CDH13: variants seen among roughly 807,000 people sequenced by gnomAD.
The protein encoded by CDH13 is cadherin 13, also known as cadherin-13.
In CDH13, 24 loss-of-function variants were observed where a neutral mutation model predicts 63.8. That is an observed-to-expected ratio of 0.38 (90% CI 0.27 to 0.53). The LOEUF is 0.53. Ranked by LOEUF, CDH13 falls within the 20% of genes least tolerant of loss-of-function variation. The pLI is 0.85. For synonymous variants in CDH13, 503 were observed against 355.3 expected, an observed-to-expected ratio of 1.42 and a Z score of -4.67; for missense variants, 1,049 against 903.1, an observed-to-expected ratio of 1.16 and a Z score of -2.07.
At chr16:82,934,700 T>C (rs2042610250) in intron 2 of CDH13, among the ~76,000 whole-genome samples, 1 of 152,126 alleles carries the variant, frequency 6.6e-6, no homozygotes, top group African/African-American at 2.4e-5. Flanking sequence ...ATCATCTCTC[T>C]CAGGTTTAAG....
At chr16:83,049,711 A>G (rs1317076221) in intron 3 of CDH13, among the ~76,000 whole-genome samples, 1 of 152,134 alleles carries the variant, frequency 6.6e-6, no homozygotes, top group Non-Finnish European at 1.5e-5. Flanking sequence ...GATAAGCAAT[A>G]TTCCTTTATG....
intron 6 of CDH13, among the ~76,000 whole-genome samples, chr16:83,458,756 A>G (rs1252669032): frequency 6.6e-6 from 1 of 152,170 alleles, no homozygotes; most frequent in South Asian, 2.1e-4. Flanking sequence ...ATGAATTCCC[A>G]ATGGTGCGAT....
At chr16:83,204,573 A>T (rs553092243) in intron 4 of CDH13, among the ~76,000 whole-genome samples, 1 of 152,306 alleles carries the variant, frequency 6.6e-6, no homozygotes, top group South Asian at 2.1e-4. Flanking sequence ...CAGAGAGGCC[A>T]CACAGCTTTC....
chr16:83,601,071 A>G (rs998863597), intron 7 of CDH13, among the ~76,000 whole-genome samples: 1 of 152,140 alleles, frequency 6.6e-6, no homozygotes, highest in Non-Finnish European at 1.5e-5. Context: ...TTAACATTAT[A>G]TCACTGGAAT....
chr16:83,771,070 A>G (rs910274945), intron 11 of CDH13, among the ~76,000 whole-genome samples: 1 of 152,218 alleles, frequency 6.6e-6, no homozygotes, highest in Non-Finnish European at 1.5e-5. Flanking sequence ...AAAAACTAGA[A>G]TGTAGACCCC....
At chr16:83,310,566 A>G (rs750445680) in intron 5 of CDH13, among the ~76,000 whole-genome samples, 3 of 152,168 alleles carry the variant, frequency 2.0e-5, no homozygotes, top group Non-Finnish European at 4.4e-5. Context: ...CACCAAGGCT[A>G]TTGCCTTTTA....
chr16:83,319,089 G>T (rs2090167083), intron 5 of CDH13, among the ~76,000 whole-genome samples: 1 of 151,764 alleles, frequency 6.6e-6, no homozygotes, highest in Non-Finnish European at 1.5e-5. Context: ...CTTAGGCATG[G>T]GTTGAAGGAT....
At chr16:82,940,134 C>T (rs529060873) in intron 2 of CDH13, among the ~76,000 whole-genome samples, 7 of 152,154 alleles carry the variant, frequency 4.6e-5, no homozygotes, top group Non-Finnish European at 8.8e-5. Flanking sequence ...CCTCCCACAA[C>T]GTGTGGGAAT....
intron 5 of CDH13, among the ~76,000 whole-genome samples, chr16:83,242,935 G>A (rs1215482463): frequency 1.3e-5 from 2 of 152,184 alleles, no homozygotes; most frequent in Non-Finnish European, 2.9e-5. Context: ...TATACCATGT[G>A]TCAAAAACTA....
At chr16:83,504,257 G>T (rs2074347977) in intron 7 of CDH13, among the ~76,000 whole-genome samples, 1 of 152,176 alleles carries the variant, frequency 6.6e-6, no homozygotes, top group South Asian at 2.1e-4. Context: ...GGGCACTAGA[G>T]AAGAGTGTTC....
intron 5 of CDH13, among the ~76,000 whole-genome samples, chr16:83,314,778 T>C (rs971122335): frequency 2.6e-5 from 4 of 152,230 alleles, no homozygotes; most frequent in Non-Finnish European, 5.9e-5. Context: ...TGACTTTACA[T>C]TCCAAATTCC....
intron 1 of CDH13, among the ~76,000 whole-genome samples, chr16:82,703,090 CT>C (rs935413217): frequency 1.3e-5 from 2 of 151,782 alleles, no homozygotes; most frequent in African/African-American, 2.4e-5. Context: ...ATTGCTTATA[CT>C]TTTTTTTGTT....
intron 3 of CDH13, among the ~76,000 whole-genome samples, chr16:83,107,739 T>G (rs1271562379): frequency 3.3e-5 from 5 of 151,936 alleles, no homozygotes; most frequent in African/African-American, 7.2e-5. Flanking sequence ...GGTGGGTTTT[T>G]TTTTTTTTTT....
intron 2 of CDH13, among the ~76,000 whole-genome samples, chr16:82,971,821 G>C (rs1317551752): frequency 2.0e-5 from 3 of 152,124 alleles, no homozygotes; most frequent in Non-Finnish European, 4.4e-5. Context: ...ACCTTTTCCT[G>C]ATCCTATTTG....
At chr16:82,971,774 A>G (rs954374670) in intron 2 of CDH13, among the ~76,000 whole-genome samples, 3 of 152,188 alleles carry the variant, frequency 2.0e-5, no homozygotes, top group Non-Finnish European at 4.4e-5. Flanking sequence ...AGTTCATTGG[A>G]TTGTTTCCCC....
intron 8 of CDH13, among the ~76,000 whole-genome samples, chr16:83,668,964 A>T: frequency 6.6e-6 from 1 of 152,148 alleles, no homozygotes; most frequent in East Asian, 1.9e-4. Flanking sequence ...AGGTCATGTC[A>T]TTGACACCTG....
intron 2 of CDH13, among the ~76,000 whole-genome samples, chr16:82,871,074 A>G (rs950607483): frequency 6.6e-6 from 1 of 152,212 alleles, no homozygotes; most frequent in African/African-American, 2.4e-5. Context: ...GAAGTTTTTG[A>G]TGCTGTCTTG....
intron 7 of CDH13, among the ~76,000 whole-genome samples, chr16:83,487,952 T>G (rs943020962): frequency 1.3e-5 from 2 of 152,240 alleles, no homozygotes. Context: ...TCCTCCCATC[T>G]CTGACTACTC....
intron 5 of CDH13, among the ~76,000 whole-genome samples, chr16:83,334,048 C>T (rs866187164): frequency 2.0e-5 from 3 of 152,200 alleles, no homozygotes; most frequent in Middle Eastern, 3.4e-3. Flanking sequence ...AACCCATTTC[C>T]TTGCCTTTTC....
Sources: gnomAD v4.1 joint callset for allele counts (sites outside exome capture counted in the v4.1 genomes callset) on GRCh38, gnomAD v4.1.1 for gene constraint, MANE v1.5 for transcripts, NCBI Gene and HGNC (gene_info 2026-07-23, HGNC 2026-07-21) for gene names.